ANO4: variants seen among roughly 807,000 people sequenced by gnomAD.
ANO4 encodes anoctamin-4.
Under a neutral mutation model 141.9 loss-of-function variants are expected in ANO4, and 69 were observed. That is an observed-to-expected ratio of 0.49 (90% CI 0.40 to 0.59). The LOEUF (loss-of-function observed/expected upper bound fraction) is 0.59. ANO4 is among the 20% of genes least tolerant of loss of function. ANO4 has a pLI of 0.00. For synonymous variants in ANO4, 350 were observed against 394.3 expected, an observed-to-expected ratio of 0.89 and a Z score of 1.33; for missense variants, 894 against 1,162.2, an observed-to-expected ratio of 0.77 and a Z score of 3.36.
In ANO4 at chr12:100,906,469, T is replaced by C. The variant is rs369195618; in HGVS notation, c.55+4629T>C. Among the ~76,000 whole-genome samples, 15 of 152,268 alleles carry C rather than the reference T, an allele frequency of 9.9e-5. No homozygotes were observed. The South Asian group carries it at 2.3e-3, about 23-fold the overall frequency. On this transcript the variant is annotated intron_variant, in intron 2 of 27. Transcript: ENST00000392977. ...ACATATCTTAATAACATTTATTTAA[T>C]TTTATTATAGTAATATCAACACAAG...
rs1377392142 is a variant in ANO4 at position 100,971,335 on chromosome 12, T to C, written c.486T>C (p.Phe162=). The part of the protein sequence containing the change: ...ESSLINSDII[F]VKLHAPWEVL... Reference sequence around the variant, plus strand: ...CTCTAATAAATAGTGACATTATCTTTGTGAAGTTGCATGCCCCATGGGAAG... The same window carrying C: ...CTCTAATAAATAGTGACATTATCTTCGTGAAGTTGCATGCCCCATGGGAAG... The change falls in exon 6 of 28, where the codon TTT becomes TTC. Residue 162 remains phenylalanine (F), a synonymous_variant. Coordinates refer to ENST00000392977, the MANE Select transcript of ANO4 (RefSeq NM_001286615.2). 1 of 1,611,868 alleles carries C rather than the reference T, an allele frequency of 6.2e-7. No homozygotes were observed. Among genetic ancestry groups the C allele is most frequent in the Non-Finnish European group, 8.5e-7 (1 of 1,178,240 alleles).
chr12:100,901,205 A>G (rs926027956), intron 1 of ANO4, among the ~76,000 whole-genome samples: 3 of 152,218 alleles, frequency 2.0e-5, no homozygotes, highest in Admixed American at 2.0e-4. Context: ...TGCTTTTGGT[A>G]TGTTTGAAAT....
chr12:100,735,942 G>GA (rs2031590912), intron 2 of ANO4, among the ~76,000 whole-genome samples: 1 of 152,212 alleles, frequency 6.6e-6, no homozygotes, highest in South Asian at 2.1e-4. Context: ...GATAATAAGA[G>GA]TGAGAATTAG....
intron 5 of ANO4, among the ~76,000 whole-genome samples, chr12:100,964,923 T>G (rs1483621937): frequency 6.6e-6 from 1 of 152,232 alleles, no homozygotes; most frequent in Admixed American, 6.5e-5. Context: ...ATTGAGGGTC[T>G]GTCTCCCCAT....
intron 1 of ANO4, among the ~76,000 whole-genome samples, chr12:100,835,719 T>C (rs2036876590): frequency 1.3e-5 from 2 of 152,082 alleles, no homozygotes; most frequent in African/African-American, 4.8e-5. Context: ...AACACCAAAA[T>C]GTAAAATAGA....
intron 3 of ANO4, among the ~76,000 whole-genome samples, chr12:100,750,793 C>T (rs1430718804): frequency 6.6e-6 from 1 of 152,110 alleles, no homozygotes. Context: ...ATATTAAAAA[C>T]CAAATGAAAA....
intron 19 of ANO4, 92 bp downstream of exon 19, chr12:101,096,739 G>T (rs1385630383): frequency 1.0e-6 from 1 of 962,526 alleles, no homozygotes. Flanking sequence ...CTCCCTTAGG[G>T]TGATTTATAC....
rs570192142 is a variant in ANO4, at chr12:101,069,125, G to A, written c.1313-10068G>A. The A allele has an allele frequency of 1.4e-4, 185 of 1,305,484 alleles. 1 individual carries two copies. The East Asian group carries it at 4.2e-3, about 30-fold the overall frequency. The allele number at this position is 1,305,484 out of a possible 1,614,324, so 80.9% of individuals were successfully genotyped here. A position where few individuals can be genotyped will look rare whatever the true frequency, so the allele number is the denominator to read the frequency against. ...ACTGATAAATTTCAAACGGAAGAAA[G>A]TGGCAGCATTTAGAAAGAATCTAAT... On this transcript the variant is annotated intron_variant, in intron 14 of 27. Transcript: ENST00000392977.
In ANO4 at chr12:101,120,498, A is replaced by T. The variant is rs202006810; in HGVS notation, c.2571-22A>T. 2.5e-6 allele frequency: 4 copies of T among 1,593,418 alleles called. No homozygotes were observed. The African/African-American group carries it at 4.0e-5, about 16-fold the overall frequency. ...TCAGAAAAATCATAGTTTGAATGCA[A>T]CATTTTTCTGTGTCTTTATAGATAC... On this transcript the variant is annotated intron_variant, in intron 25 of 27. Transcript: ENST00000392977.
intron 8 of ANO4, among the ~76,000 whole-genome samples, chr12:100,989,955 A>T (rs1036754014): frequency 4.4e-4 from 56 of 127,944 alleles, no homozygotes; most frequent in East Asian, 2.7e-4. Flanking sequence ...ATGGATGGGT[A>T]TATACATGGA....
intron 1 of ANO4, among the ~76,000 whole-genome samples, chr12:100,814,380 G>A (rs2035609853): frequency 1.3e-5 from 2 of 152,070 alleles, no homozygotes; most frequent in Non-Finnish European, 2.9e-5. Context: ...TTACGTGAAT[G>A]TTCCTATGTT....
chr12:101,014,345 T>G (rs2046227916), intron 8 of ANO4, among the ~76,000 whole-genome samples: 1 of 152,148 alleles, frequency 6.6e-6, no homozygotes, highest in African/African-American at 2.4e-5. Context: ...AAAAGGAATA[T>G]TGGGACCTCA....
At chr12:100,743,947 A>G (rs183965455) in intron 3 of ANO4, among the ~76,000 whole-genome samples, 1 of 152,180 alleles carries the variant, frequency 6.6e-6, no homozygotes, top group East Asian at 1.9e-4. Flanking sequence ...GATAACCAAG[A>G]TTTGTAACTT....
At chr12:100,869,359 GTGAGAGGTGATAGGAA>G (rs1163913075) in intron 1 of ANO4, among the ~76,000 whole-genome samples, 1 of 152,224 alleles carries the variant, frequency 6.6e-6, no homozygotes, top group Non-Finnish European at 1.5e-5. Context: ...TCAAGAGGCA[GTGAGAGGTGATAGGAA>G]TGAGTCCTGA....
At chr12:100,761,908 T>C (rs2032874557) in intron 3 of ANO4, among the ~76,000 whole-genome samples, 1 of 152,150 alleles carries the variant, frequency 6.6e-6, no homozygotes, top group East Asian at 1.9e-4. Context: ...TACCCATGGC[T>C]CCAAAGCTGC....
intron 8 of ANO4, among the ~76,000 whole-genome samples, chr12:100,993,452 C>A (rs920383660): frequency 6.6e-6 from 1 of 152,076 alleles, no homozygotes; most frequent in Non-Finnish European, 1.5e-5. Flanking sequence ...AAGTGAGGAA[C>A]AAAATGGTCA....
intron 5 of ANO4, among the ~76,000 whole-genome samples, chr12:100,943,880 C>A (rs954649076): frequency 2.0e-5 from 3 of 152,070 alleles, no homozygotes; most frequent in African/African-American, 2.4e-5. Flanking sequence ...CTTAATCATG[C>A]CTTCTTCTTT....
At chr12:100,808,287 A>C (rs1373920894) in intron 1 of ANO4, among the ~76,000 whole-genome samples, 4 of 152,016 alleles carry the variant, frequency 2.6e-5, no homozygotes, top group Non-Finnish European at 4.4e-5. Context: ...GTCTCATTTG[A>C]TTTGCATTTA....
intron 14 of ANO4, chr12:101,068,489 A>G: frequency 6.0e-6 from 6 of 1,002,848 alleles, no homozygotes; most frequent in Non-Finnish European, 9.6e-6. Flanking sequence ...CCCTGTTCTC[A>G]GTAAAGATCG....
Sources: gnomAD v4.1 joint callset for allele counts (sites outside exome capture counted in the v4.1 genomes callset) on GRCh38, gnomAD v4.1.1 for gene constraint, MANE v1.5 for transcripts, NCBI Gene and HGNC (gene_info 2026-07-23, HGNC 2026-07-21) for gene names.